The following HHAT variants were observed in gnomAD, a reference collection of about 807,000 sequenced individuals.
The protein encoded by HHAT is protein-cysteine N-palmitoyltransferase HHAT.
In HHAT, 47 loss-of-function variants were observed where a neutral mutation model predicts 70.8. The ratio of observed to expected loss-of-function variants is 0.66; its 90% CI spans 0.53 to 0.85. The LOEUF (loss-of-function observed/expected upper bound fraction) is 0.85. Among genes scored for constraint, HHAT ranks in the 40% least tolerant of loss-of-function variants. HHAT has a pLI of 0.00. For missense variants in HHAT, 609 were observed against 604.8 expected, an observed-to-expected ratio of 1.01 and a Z score of -0.07; for synonymous variants, 228 against 247.6, an observed-to-expected ratio of 0.92 and a Z score of 0.74.
intron 5 of HHAT, among the ~76,000 whole-genome samples, chr1:210,403,735 A>G (rs187425493): frequency 1.1e-4 from 16 of 152,354 alleles, no homozygotes; most frequent in South Asian, 4.1e-4. Flanking sequence ...GAAAACATGG[A>G]AAATGTAGAA....
At chr1:210,520,931 T>A (rs979076653) in intron 9 of HHAT, among the ~76,000 whole-genome samples, 1 of 152,180 alleles carries the variant, frequency 6.6e-6, no homozygotes, top group Non-Finnish European at 1.5e-5. Context: ...TGTCTTGATA[T>A]CCTCTCAGGA....
intron 9 of HHAT, among the ~76,000 whole-genome samples, chr1:210,535,431 T>TTGTG (rs144319730): frequency 0.02 from 2,962 of 149,844 alleles, 37 homozygotes; most frequent in Non-Finnish European, 0.028. Flanking sequence ...CATTGTGTGT[T>TTGTG]TGTGTGTGTG....
intron 7 of HHAT, among the ~76,000 whole-genome samples, chr1:210,428,168 A>G (rs1397672056): frequency 6.6e-6 from 1 of 150,456 alleles, no homozygotes; most frequent in Non-Finnish European, 1.5e-5. Context: ...CAATGGAAGC[A>G]TTGTATTGTC....
intron 8 of HHAT, among the ~76,000 whole-genome samples, chr1:210,495,674 G>A (rs1333075867): frequency 1.3e-5 from 2 of 152,028 alleles, no homozygotes; most frequent in Non-Finnish European, 2.9e-5. Context: ...ATGACCTATT[G>A]TAGGTCATAA....
intron 9 of HHAT, among the ~76,000 whole-genome samples, chr1:210,572,235 C>G (rs930734370): frequency 2.0e-5 from 3 of 152,292 alleles, no homozygotes; most frequent in Admixed American, 6.5e-5. Context: ...TGAAACTGTT[C>G]TGTCAAAGCT....
chr1:210,672,215 C>T (rs1680227948), intron 11 of HHAT, among the ~76,000 whole-genome samples: 1 of 152,216 alleles, frequency 6.6e-6, no homozygotes, highest in Non-Finnish European at 1.5e-5. Flanking sequence ...AGAGCCTGCA[C>T]ATATACCACT....
At position 210,434,695 on chromosome 1, in the gene HHAT, G is replaced by T. The variant is rs76958663; in HGVS notation, c.856+16370G>T. On this transcript the variant is annotated intron_variant, in intron 7 of 11. Coordinates refer to ENST00000261458, the MANE Select transcript of HHAT (RefSeq NM_018194.6). ...ATATCCTACAACTGTGGGCTCAGTTGTAGAGTTAGCTACCATTGACACCTT... is the reference window on the plus strand; with the variant it reads ...ATATCCTACAACTGTGGGCTCAGTTTTAGAGTTAGCTACCATTGACACCTT... 6.5e-4 allele frequency among the ~76,000 whole-genome samples: 98 copies of T among 151,860 alleles called. 1 individual carries two copies. In the East Asian group the frequency reaches 0.018, roughly 27 times the overall value.
intron 11 of HHAT, among the ~76,000 whole-genome samples, chr1:210,647,644 A>C (rs1302101331): frequency 6.6e-6 from 1 of 152,118 alleles, no homozygotes; most frequent in Non-Finnish European, 1.5e-5. Flanking sequence ...AGGAGTTAGA[A>C]CCTTACCAGA....
At chr1:210,402,996 C>A (rs1387729401) in intron 5 of HHAT, among the ~76,000 whole-genome samples, 1 of 152,194 alleles carries the variant, frequency 6.6e-6, no homozygotes, top group African/African-American at 2.4e-5. Flanking sequence ...ATTTGGAAAA[C>A]AGAAGTAATA....
At chr1:210,445,156 A>C (rs2093609731) in intron 7 of HHAT, among the ~76,000 whole-genome samples, 1 of 152,138 alleles carries the variant, frequency 6.6e-6, no homozygotes, top group South Asian at 2.1e-4. Context: ...AACGAGTTTC[A>C]AACAGTGGTC....
At chr1:210,570,576 C>G (rs1656028845) in intron 9 of HHAT, among the ~76,000 whole-genome samples, 1 of 152,186 alleles carries the variant, frequency 6.6e-6, no homozygotes, top group Non-Finnish European at 1.5e-5. Context: ...GCCACAGACC[C>G]ACCACCCAGG....
chr1:210,605,616 T>A, intron 10 of HHAT, among the ~76,000 whole-genome samples: 1 of 152,232 alleles, frequency 6.6e-6, no homozygotes, highest in East Asian at 1.9e-4. Flanking sequence ...GCGTGTATTA[T>A]CATTATTCCC....
chr1:210,365,515 G>A (rs1441806912), intron 3 of HHAT, among the ~76,000 whole-genome samples: 2 of 151,294 alleles, frequency 1.3e-5, no homozygotes, highest in African/African-American at 2.4e-5. Context: ...ATGGGGTTTC[G>A]CCATATTAGC....
At chr1:210,352,493 C>T (rs2087128560) in intron 2 of HHAT, among the ~76,000 whole-genome samples, 1 of 152,100 alleles carries the variant, frequency 6.6e-6, no homozygotes, top group Non-Finnish European at 1.5e-5. Context: ...TTTTTTAGGG[C>T]ATTCATGTCT....
chr1:210,362,916 G>A lies in HHAT; in HGVS notation c.156G>A (p.Lys52=). Residue 52 remains lysine (K), a synonymous_variant, in exon 3 of 12, where the codon AAG becomes AAA. Transcript: ENST00000261458. The part of the protein sequence containing the change: ...LETDTLFGGL[K]KDATDFEWSF... ...CTGACACTTTATTTGGAGGATTAAA[G>A]AAGGTACAAAGTGGATGCATAATAA... The A allele has an allele frequency of 6.2e-7, 1 of 1,609,352 alleles. No individual in the cohort carries two copies. The highest frequency in any genetic ancestry group is 8.5e-7 in the Non-Finnish European group (1 of 1,175,726).
intron 10 of HHAT, among the ~76,000 whole-genome samples, chr1:210,596,677 C>T (rs1398248434): frequency 6.6e-6 from 1 of 151,968 alleles, no homozygotes; most frequent in Non-Finnish European, 1.5e-5. Flanking sequence ...TTAATTATTT[C>T]AGTGTCTGTT....
chr1:210,449,310 C>G (rs1475131400), intron 7 of HHAT, among the ~76,000 whole-genome samples: 1 of 149,386 alleles, frequency 6.7e-6, no homozygotes, highest in East Asian at 1.9e-4. Context: ...ACCAATCTTT[C>G]AAAAACACAA....
At chr1:210,585,916 T>C (rs553249664) in intron 9 of HHAT, among the ~76,000 whole-genome samples, 2 of 152,112 alleles carry the variant, frequency 1.3e-5, no homozygotes, top group Non-Finnish European at 2.9e-5. Context: ...TTTGGCCAGA[T>C]GATGGAGCAT....
intron 8 of HHAT, among the ~76,000 whole-genome samples, chr1:210,468,411 C>T (rs2094143948): frequency 6.6e-6 from 1 of 152,212 alleles, no homozygotes; most frequent in Admixed American, 6.5e-5. Flanking sequence ...GAATCCTGCA[C>T]AGCTTGCCCT....
Sources: allele counts gnomAD v4.1 joint callset (sites outside exome capture counted in the v4.1 genomes callset), GRCh38; gene constraint gnomAD v4.1.1; transcripts MANE v1.5; gene names NCBI Gene and HGNC (gene_info 2026-07-23, HGNC 2026-07-21).